TNK2: variants seen among roughly 807,000 people sequenced by gnomAD.
The protein encoded by TNK2 is activated CDC42 kinase 1.
TNK2 carries 83 observed loss-of-function variants against 101.8 expected under a neutral mutation model. That is an observed-to-expected ratio of 0.82 (90% CI 0.68 to 0.98). The LOEUF (loss-of-function observed/expected upper bound fraction) is 0.98, where lower values mean the gene tolerates loss of function less well. Among genes scored for constraint, TNK2 ranks in the 50% least tolerant of loss-of-function variants. TNK2 has a pLI of 0.00. For synonymous variants in TNK2, 804 were observed against 633.0 expected (o/e 1.27, Z -4.06); for missense variants, 1,665 against 1,483.2 (o/e 1.12, Z -2.01).
intron 1 of TNK2, among the ~76,000 whole-genome samples, chr3:195,896,998 C>T (rs886493588): frequency 6.6e-6 from 1 of 152,180 alleles, no homozygotes; most frequent in African/African-American, 2.4e-5. Flanking sequence ...TATATGCCAA[C>T]CCTACCTCCC....
rs754299066 is a variant in TNK2 at position 195,868,357 on chromosome 3, CG to C, written c.1940del (p.Pro647ArgfsTer84). The C allele has an allele frequency of 3.7e-5, 57 of 1,528,836 alleles. No homozygotes were observed. Among genetic ancestry groups the C allele is most frequent in the Admixed American group, 8.9e-5 (5 of 56,294 alleles). The allele number at this position is 1,528,836 out of a possible 1,614,324, so 94.7% of individuals were successfully genotyped here. On this transcript the variant is annotated frameshift_variant, in exon 13 of 16. Transcript: ENST00000672887. LOFTEE classifies it high-confidence loss of function. ...VDWDARPLPP[P>X]PAYDDVAQDE... is the part of the protein sequence containing the mutation. Reference sequence around the variant, plus strand: ...CCTGGGCCACGTCGTCATAGGCGGGCGGGGGGGGCAGCGGGCGTGCGTCCCA... The same window carrying C: ...CCTGGGCCACGTCGTCATAGGCGGGCGGGGGGGCAGCGGGCGTGCGTCCCA...
intron 9 of TNK2, chr3:195,876,760 G>A (rs1186173024): frequency 9.8e-6 from 4 of 408,284 alleles, no homozygotes; most frequent in Non-Finnish European, 2.0e-5. Context: ...GGAAGGGCGG[G>A]GCGGGGCACA....
intron 6 of TNK2, among the ~76,000 whole-genome samples, chr3:195,880,094 C>A (rs911712408): frequency 6.6e-6 from 1 of 152,086 alleles, no homozygotes; most frequent in African/African-American, 2.4e-5. Context: ...ACTGGAACAA[C>A]CCTTCCCGCC....
At chr3:195,899,443 C>T (rs1435403443) in intron 1 of TNK2, among the ~76,000 whole-genome samples, 1 of 152,026 alleles carries the variant, frequency 6.6e-6, no homozygotes, top group African/African-American at 2.4e-5. Context: ...TCTCCTGCCT[C>T]AGCCTCCCAA....
intron 1 of TNK2, among the ~76,000 whole-genome samples, chr3:195,902,526 G>A (rs529069500): frequency 5.4e-4 from 81 of 149,148 alleles, no homozygotes; most frequent in African/African-American, 1.9e-3. Context: ...GCTGAGGCAG[G>A]ACAATTGCTT....
At chr3:195,876,920 CCTG>C (rs1383512059) in intron 9 of TNK2, among the ~76,000 whole-genome samples, 1 of 152,210 alleles carries the variant, frequency 6.6e-6, no homozygotes. Flanking sequence ...CACACAGGCT[CCTG>C]CTGAGAGCAA....
At position 195,868,288 on chromosome 3, in the gene TNK2, C is replaced by T. The variant is rs1742324775; in HGVS notation, c.2010G>A (p.Val670=). ...TGGGCCCGGCAGGGACCCCCGCGCCCACGAGGGTGCTGTTGATGGAGCAGA... is the reference window on the plus strand; with the variant it reads ...TGGGCCCGGCAGGGACCCCCGCGCCTACGAGGGTGCTGTTGATGGAGCAGA... ...FEICSINSTL[V]GAGVPAGPSQ... is the part of the protein sequence containing the mutation. Residue 670 remains valine, a synonymous_variant, in exon 13 of 16, where the codon GTG becomes GTA. Transcript: ENST00000672887. 1.2e-6 allele frequency: 2 copies of T among 1,603,786 alleles called. No individual in the cohort carries two copies. The highest frequency in any genetic ancestry group is 8.5e-7 in the Non-Finnish European group (1 of 1,179,524).
chr3:195,872,972 C>T (rs761946298), intron 9 of TNK2, among the ~76,000 whole-genome samples: 7 of 152,178 alleles, frequency 4.6e-5, no homozygotes, highest in African/African-American at 1.4e-4. Flanking sequence ...CACCTAGGGC[C>T]TTGCACTAGG....
Position 195,878,946 on chromosome 3 carries a change from G to A in TNK2, c.1014+103C>T. 1 of 1,534,936 alleles carries A rather than the reference G, an allele frequency of 6.5e-7. No individual in the cohort carries two copies. The highest frequency in any genetic ancestry group is 8.8e-7 in the Non-Finnish European group (1 of 1,136,002). On this transcript the variant is annotated intron_variant, in intron 7 of 15. Coordinates refer to ENST00000672887, the MANE Select transcript of TNK2 (RefSeq NM_001382273.1). The surrounding 1 kb of genome is among the most constrained non-coding windows in gnomAD (Gnocchi z 4.7). ...TGGGGGGAGGCACGGGGCGTGGGAGGAGGGAGTCCATTGGTGAGAGGCAGT... is the reference window on the plus strand; with the variant it reads ...TGGGGGGAGGCACGGGGCGTGGGAGAAGGGAGTCCATTGGTGAGAGGCAGT...
At chr3:195,875,838 G>C (rs1034544993) in intron 9 of TNK2, among the ~76,000 whole-genome samples, 3 of 152,200 alleles carry the variant, frequency 2.0e-5, no homozygotes, top group Non-Finnish European at 4.4e-5. Context: ...CAACATCTCT[G>C]GGGTAGACAA....
chr3:195,885,458 C>A lies in TNK2; in HGVS notation c.235-425G>T. 7.6e-7 allele frequency: 1 copy of A among 1,310,966 alleles called. No homozygotes were observed. Among genetic ancestry groups the A allele is most frequent in the Non-Finnish European group, 1.0e-6 (1 of 1,003,422 alleles). 81.2% of individuals were successfully genotyped at this position (1,310,966 alleles called of 1,614,324 possible). A position where few individuals can be genotyped will look rare whatever the true frequency, so the allele number is the denominator to read the frequency against. On this transcript the variant is annotated intron_variant, in intron 3 of 15. Transcript: ENST00000672887. The surrounding 1 kb of genome is among the most constrained non-coding windows in gnomAD (Gnocchi z 4.7). ...GGGCCCTCCACAGACACCTCCTTGT[C>A]CATTTTTAGCCCTGGCCCCTTCTCT...
chr3:195,887,746 T>C (rs567536701), intron 2 of TNK2, among the ~76,000 whole-genome samples: 79 of 150,644 alleles, frequency 5.2e-4, no homozygotes, highest in Admixed American at 2.5e-3. Context: ...TGCGTGTGTG[T>C]GCACACGCGT....
At position 195,885,267 on chromosome 3, in the gene TNK2, C is replaced by T. The variant is rs1560522810; in HGVS notation, c.235-234G>A. On this transcript the variant is annotated intron_variant, in intron 3 of 15. Transcript: ENST00000672887. The surrounding 1 kb of genome is among the most constrained non-coding windows in gnomAD (Gnocchi z 4.7). ...CTCAAGGAGGGTGCCAGAAAGAGAC[C>T]GACAGGCATGCAGCCTGTGGCTGAG... 6.0e-6 allele frequency: 7 copies of T among 1,174,024 alleles called. No homozygotes were observed. The highest frequency in any genetic ancestry group is 1.6e-5 in the South Asian group (1 of 61,992). The allele number at this position is 1,174,024 out of a possible 1,614,324, so 72.7% of individuals were successfully genotyped here.
intron 1 of TNK2, among the ~76,000 whole-genome samples, chr3:195,902,355 C>T (rs919207787): frequency 1.6e-4 from 25 of 152,142 alleles, no homozygotes; most frequent in Admixed American, 2.6e-4. Context: ...CGGGGGCTCA[C>T]GCCTGTAATC....
intron 9 of TNK2, among the ~76,000 whole-genome samples, chr3:195,873,029 C>T (rs1746519589): frequency 6.6e-6 from 1 of 152,132 alleles, no homozygotes; most frequent in African/African-American, 2.4e-5. Context: ...AATGCAGACG[C>T]GGGAGAGTCT....
Position 195,894,956 on chromosome 3 carries a change from G to C in TNK2, c.-18-6350C>G, listed in dbSNP as rs143026587. 1.6e-3 allele frequency among the ~76,000 whole-genome samples: 238 copies of C among 152,326 alleles called. 2 individuals are homozygous for C. Among genetic ancestry groups the C allele is most frequent in the African/African-American group, 5.0e-3 (209 of 41,584 alleles). On this transcript the variant is annotated intron_variant, in intron 1 of 15. Coordinates refer to ENST00000672887, the MANE Select transcript of TNK2 (RefSeq NM_001382273.1). ...ACATACAGACTCAGTTCTCCTAAAA[G>C]ACTGAACCCCAATCCTAGCAGTACT...
At position 195,882,120 on chromosome 3, in the gene TNK2, A is replaced by G. The variant is rs1753419206; in HGVS notation, c.818T>C (p.Leu273Pro). ...GTCATTCTGAGGTAGTGCTCGCATC[A>G]GCCCAAAGTCCCCGATCTTGACCAG... is the stretch of plus-strand genomic sequence containing the variant. The part of the protein sequence containing the change: ...RDLVKIGDFG[L>P]MRALPQNDDH... Residue 273 changes from leucine (L) to proline (P), a missense_variant, in exon 6 of 16, where the codon CTG (leucine) becomes CCG (proline). By Grantham distance (98) the Leu-to-Pro change is moderately conservative. Coordinates refer to ENST00000672887, the MANE Select transcript of TNK2 (RefSeq NM_001382273.1). The surrounding 1 kb of genome is among the most constrained non-coding windows in gnomAD (Gnocchi z 4.2). 1 of 1,613,728 alleles carries G rather than the reference A, an allele frequency of 6.2e-7. No individual in the cohort carries two copies. Among genetic ancestry groups the G allele is most frequent in the Non-Finnish European group, 8.5e-7 (1 of 1,180,020 alleles).
rs1421259545 is a variant in TNK2, at chr3:195,879,307, G to A, written c.888-132C>T. 16 of 1,422,688 alleles carry A rather than the reference G, an allele frequency of 1.1e-5. No homozygotes were observed. In the Admixed American group the frequency reaches 3.1e-4, roughly 28 times the overall value. 88.1% of individuals were successfully genotyped at this position (1,422,688 alleles called of 1,614,324 possible). On this transcript the variant is annotated intron_variant, in intron 6 of 15. Transcript: ENST00000672887. ...CCAGGTTCAACAGTGGGTCTCAGGG[G>A]CGCCGTGTGAAGCGGGCAGGACCCC... is the stretch of plus-strand genomic sequence containing the variant.
intron 1 of TNK2, chr3:195,895,389 G>A (rs371841139): frequency 1.3e-6 from 2 of 1,540,686 alleles, no homozygotes; most frequent in Middle Eastern, 1.7e-4. Flanking sequence ...TCACTGCCCT[G>A]CGTCCTGGGG....
Sources: allele counts gnomAD v4.1 joint callset (sites outside exome capture counted in the v4.1 genomes callset), GRCh38; gene constraint gnomAD v4.1.1; non-coding constraint Gnocchi (gnomAD v3.1); transcripts MANE v1.5; gene names NCBI Gene and HGNC (gene_info 2026-07-23, HGNC 2026-07-21).